Variants in ITGA4 observed in about 807,000 individuals in gnomAD.
The protein encoded by ITGA4 is integrin subunit alpha 4.
A neutral mutation model predicts 133.6 loss-of-function variants in ITGA4; 63 were observed. The ratio of observed to expected loss-of-function variants is 0.47; its 90% CI spans 0.38 to 0.58. The LOEUF (loss-of-function observed/expected upper bound fraction) is 0.58, where lower values mean the gene tolerates loss of function less well. ITGA4 is among the 20% of genes least tolerant of loss of function. The pLI is 0.00. For missense variants in ITGA4, 1,076 were observed against 1,252.7 expected, an observed-to-expected ratio of 0.86 and a Z score of 2.13; for synonymous variants, 483 against 438.0, an observed-to-expected ratio of 1.10 and a Z score of -1.28.
chr2:181,461,942 A>T (rs995303511), intron 2 of ITGA4, among the ~76,000 whole-genome samples: 1 of 152,196 alleles, frequency 6.6e-6, no homozygotes, highest in Non-Finnish European at 1.5e-5. Flanking sequence ...TATGATATAT[A>T]TTGAAACAAA....
At chr2:181,515,888 C>G (rs954725240) in intron 17 of ITGA4, among the ~76,000 whole-genome samples, 1 of 151,900 alleles carries the variant, frequency 6.6e-6, no homozygotes, top group Non-Finnish European at 1.5e-5. Flanking sequence ...ATTTATGTGC[C>G]CCAGAGCTAT....
At chr2:181,511,853 A>G in intron 17 of ITGA4, 78 bp downstream of exon 17, 2 of 729,428 alleles carry the variant, frequency 2.7e-6, no homozygotes, top group South Asian at 3.3e-5. Context: ...TCCCAAAAGA[A>G]AAGGAACAAG....
rs201906563 is a variant in ITGA4 at position 181,495,391 on chromosome 2, C to T, written c.1360C>T (p.Arg454Trp). 29 of 1,610,594 alleles carry T rather than the reference C, an allele frequency of 1.8e-5. No homozygotes were observed. Among genetic ancestry groups the T allele is most frequent in the Non-Finnish European group, 2.3e-5 (27 of 1,177,104 alleles). ...TCCAGATGTAGCAGTTGGTGCTTTTCGGTCTGATTCTGCTGTCTTGCTAAG... is the reference window on the plus strand; with the variant it reads ...TCCAGATGTAGCAGTTGGTGCTTTTTGGTCTGATTCTGCTGTCTTGCTAAG... ...GYVDVAVGAF[R>W]SDSAVLLRTR... is the part of the protein sequence containing the mutation. Residue 454 changes from arginine to tryptophan, a missense_variant, in exon 13 of 28, where the codon CGG becomes TGG. Physicochemically the swap from Arg to Trp is moderately radical, Grantham distance 101. Transcript: ENST00000397033. The surrounding 1 kb of genome is among the most constrained non-coding windows in gnomAD (Gnocchi z 4.3).
In ITGA4 at chr2:181,475,053, A is replaced by G; in HGVS notation, c.413A>G (p.Asn138Ser). 1 of 1,614,058 alleles carries G rather than the reference A, an allele frequency of 6.2e-7. No homozygotes were observed. The highest frequency in any genetic ancestry group is 2.2e-5 in the East Asian group (1 of 44,874). Residue 138 changes from asparagine (N) to serine (S), a missense_variant, in exon 3 of 28, where the codon AAT (asparagine) becomes AGT (serine). By Grantham distance (46) the Asn-to-Ser change is conservative. This residue lies in a region of ITGA4 where 436 missense variants were observed against 590.7 expected (regional missense o/e 0.74). Coordinates refer to ENST00000397033, the MANE Select transcript of ITGA4 (RefSeq NM_000885.6). ...GVTLSRQPGE[N>S]GSIVTCGHRW... ...ACACTTTCCAGACAGCCAGGAGAAA[A>G]TGGATCCATCGTGGTAGGTATTGGA...
In ITGA4 at chr2:181,538,287, T is replaced by G. The variant is rs1249175476; in HGVS notation, c.*2760T>G. The G allele has an allele frequency of 8.6e-7, 1 of 1,158,816 alleles. No individual in the cohort carries two copies. The highest frequency in any genetic ancestry group is 1.2e-5 in the South Asian group (1 of 80,710). The allele number at this position is 1,158,816 out of a possible 1,614,324, so 71.8% of individuals were successfully genotyped here. A position where few individuals can be genotyped will look rare whatever the true frequency, so the allele number is the denominator to read the frequency against. The stretch of plus-strand genomic sequence containing the variant: ...TATTTCATCAACTTATTTTGTTGTT[T>G]TTCACATACACCTAATAAGTATGGT... On this transcript the variant is annotated 3_prime_UTR_variant, in exon 28 of 28. Transcript: ENST00000397033.
chr2:181,462,036 TA>T (rs1461234289), intron 2 of ITGA4, among the ~76,000 whole-genome samples: 1 of 152,206 alleles, frequency 6.6e-6, no homozygotes, highest in Non-Finnish European at 1.5e-5. Context: ...ATTTTATTTT[TA>T]CTTTTTTCAT....
At chr2:181,529,695 A>C in intron 23 of ITGA4, 47 bp downstream of exon 23, 1 of 964,042 alleles carries the variant, frequency 1.0e-6, no homozygotes, top group South Asian at 1.4e-5. Context: ...TGTCTTAAAT[A>C]CTAAAATAAA....
intron 21 of ITGA4, among the ~76,000 whole-genome samples, chr2:181,525,685 A>G (rs1303600695): frequency 1.3e-5 from 2 of 152,204 alleles, no homozygotes; most frequent in Non-Finnish European, 2.9e-5. Flanking sequence ...TCAAATCACT[A>G]TTCTGCAGAC....
chr2:181,531,842 T>C, intron 25 of ITGA4, 66 bp downstream of exon 25: 7 of 1,223,388 alleles, frequency 5.7e-6, no homozygotes, highest in Middle Eastern at 2.0e-4. Context: ...AATTCAGTCA[T>C]ATAGGCAGGA....
rs552931318 is a variant in ITGA4, at chr2:181,475,987, A to T, written c.556+699A>T. The T allele has an allele frequency of 9.0e-4, 1,104 of 1,222,206 alleles. 6 individuals carry two copies. The African/African-American group carries it at 0.016, about 17-fold the overall frequency. The allele number at this position is 1,222,206 out of a possible 1,614,324, so 75.7% of individuals were successfully genotyped here. ...AATTCATAATTTTCTAACCACCCTCACTCAAAAAAAATCCCTCAGCACGCA... is the reference window on the plus strand; with the variant it reads ...AATTCATAATTTTCTAACCACCCTCTCTCAAAAAAAATCCCTCAGCACGCA... On this transcript the variant is annotated intron_variant, in intron 4 of 27. Coordinates refer to ENST00000397033, the MANE Select transcript of ITGA4 (RefSeq NM_000885.6).
At position 181,482,416 on chromosome 2, in the gene ITGA4, T is replaced by C; in HGVS notation, c.897T>C (p.Gly299=). ...KELNILHEMK[G]KKLGSYFGAS... is the part of the protein sequence containing the mutation. Reference sequence around the variant, plus strand: ...TAAATATCTTACATGAAATGAAAGGTAAAAAGGTAATATGTCTCTACCTTT... The same window carrying C: ...TAAATATCTTACATGAAATGAAAGGCAAAAAGGTAATATGTCTCTACCTTT... Residue 299 remains glycine (G), a synonymous_variant, in exon 8 of 28, where the codon GGT becomes GGC. Coordinates refer to ENST00000397033, the MANE Select transcript of ITGA4 (RefSeq NM_000885.6). 2 of 1,613,294 alleles carry C rather than the reference T, an allele frequency of 1.2e-6. No individual in the cohort carries two copies. Among genetic ancestry groups the C allele is most frequent in the Non-Finnish European group, 1.7e-6 (2 of 1,179,486 alleles).
intron 16 of ITGA4, among the ~76,000 whole-genome samples, chr2:181,510,335 T>C (rs986957445): frequency 3.9e-5 from 6 of 152,138 alleles, no homozygotes; most frequent in Non-Finnish European, 8.8e-5. Flanking sequence ...CCAGGATCAA[T>C]TGCATTTGAG....
At position 181,516,736 on chromosome 2, in the gene ITGA4, C is replaced by T. The variant is rs1437847080; in HGVS notation, c.1922+4961C>T. ...TGTCTTCTGAAATATTAAGGGAATGCTGCCTGTCACCTGAATAATCTAGGG... is the reference window on the plus strand; with the variant it reads ...TGTCTTCTGAAATATTAAGGGAATGTTGCCTGTCACCTGAATAATCTAGGG... On this transcript the variant is annotated intron_variant, in intron 17 of 27. Transcript: ENST00000397033. The surrounding 1 kb of genome is among the most constrained non-coding windows in gnomAD (Gnocchi z 4.0). 1.3e-5 allele frequency among the ~76,000 whole-genome samples: 2 copies of T among 152,006 alleles called. No individual in the cohort carries two copies. The highest frequency in any genetic ancestry group is 6.6e-5 in the Admixed American group (1 of 15,224).
rs904353830 is a variant in ITGA4 at position 181,523,114 on chromosome 2, A to T, written c.2074-323A>T. 6.7e-6 allele frequency among the ~76,000 whole-genome samples: 1 copy of T among 149,390 alleles called. No individual in the cohort carries two copies. Among genetic ancestry groups the T allele is most frequent in the Non-Finnish European group, 1.5e-5 (1 of 67,084 alleles). On this transcript the variant is annotated intron_variant, in intron 18 of 27. Transcript: ENST00000397033. The surrounding 1 kb of genome is among the most constrained non-coding windows in gnomAD (Gnocchi z 4.2). ...GATAAATGAAAGCTACAAGTCCAGA[A>T]TTTTTTTTTTGTGGAGAATCTGTTT...
At chr2:181,518,897 G>A (rs1686664279) in intron 17 of ITGA4, among the ~76,000 whole-genome samples, 1 of 151,958 alleles carries the variant, frequency 6.6e-6, no homozygotes, top group Non-Finnish European at 1.5e-5. Flanking sequence ...GGTTGTGAAA[G>A]TAAGCCAAGA....
chr2:181,467,617 C>A (rs1441212914), intron 2 of ITGA4, among the ~76,000 whole-genome samples: 1 of 152,050 alleles, frequency 6.6e-6, no homozygotes, highest in Non-Finnish European at 1.5e-5. Context: ...AAGTAAGTGA[C>A]CTTTTTCTTG....
intron 21 of ITGA4, among the ~76,000 whole-genome samples, chr2:181,525,936 G>T (rs148372922): frequency 1.0e-3 from 152 of 152,302 alleles, no homozygotes; most frequent in African/African-American, 3.5e-3. Flanking sequence ...ACTTATTCAT[G>T]GTGTTAGTCC....
chr2:181,511,336 T>G (rs1964512), intron 16 of ITGA4, among the ~76,000 whole-genome samples: 38,181 of 151,828 alleles, frequency 0.25, 5,223 homozygotes, highest in Non-Finnish European at 0.31. Context: ...TTACACGTAA[T>G]AAATGGGATC....
In ITGA4 at chr2:181,534,295, T is replaced by C; in HGVS notation, c.2808T>C (p.Phe936=). 1 of 1,609,150 alleles carries C rather than the reference T, an allele frequency of 6.2e-7. No homozygotes were observed. The highest frequency in any genetic ancestry group is 1.3e-5 in the African/African-American group (1 of 74,918). The change falls in exon 26 of 28, where the codon TTT becomes TTC. Residue 936 remains phenylalanine, a synonymous_variant. Coordinates refer to ENST00000397033, the MANE Select transcript of ITGA4 (RefSeq NM_000885.6). ...LEMDETSALK[F]EIRATGFPEP... The stretch of plus-strand genomic sequence containing the variant: ...AGGATGAGACTTCAGCACTCAAGTT[T>C]GAAATAAGAGCAACAGGTTTTCCAG...
Sources: gnomAD v4.1 joint callset for allele counts (sites outside exome capture counted in the v4.1 genomes callset) on GRCh38, gnomAD v4.1.1 for gene constraint, gnomAD v4.1.1 regional missense constraint, Gnocchi (gnomAD v3.1) non-coding constraint, MANE v1.5 for transcripts, NCBI Gene and HGNC (gene_info 2026-07-23, HGNC 2026-07-21) for gene names.